Variants in TMEM168 observed in about 807,000 individuals in gnomAD.
TMEM168 encodes the protein transmembrane protein 168.
TMEM168 carries 40 observed loss-of-function variants against 53.2 expected under a neutral mutation model. That is an observed-to-expected ratio of 0.75 (90% CI 0.58 to 0.98). The LOEUF (loss-of-function observed/expected upper bound fraction) is 0.98, where lower values mean the gene tolerates loss of function less well. Ranked by LOEUF, TMEM168 falls within the 50% of genes least tolerant of loss-of-function variation. The pLI, the probability that TMEM168 is intolerant of heterozygous loss-of-function variation, is 0.00. For missense variants in TMEM168, 771 were observed against 828.8 expected, an observed-to-expected ratio of 0.93 and a Z score of 0.86; for synonymous variants, 282 against 293.0, an observed-to-expected ratio of 0.96 and a Z score of 0.38.
At chr7:112,781,428 T>C (rs1467463973) in intron 2 of TMEM168, among the ~76,000 whole-genome samples, 1 of 152,122 alleles carries the variant, frequency 6.6e-6, no homozygotes, top group Non-Finnish European at 1.5e-5. Context: ...TGGAAAGAAA[T>C]GTGAGAAACT....
chr7:112,782,704 A>G (rs1450233243), intron 2 of TMEM168, among the ~76,000 whole-genome samples: 1 of 152,082 alleles, frequency 6.6e-6, no homozygotes, highest in African/African-American at 2.4e-5. Context: ...TTCAAAACAC[A>G]CTTCTAGAAA....
At chr7:112,781,592 A>C (rs1793233098) in intron 2 of TMEM168, among the ~76,000 whole-genome samples, 1 of 152,174 alleles carries the variant, frequency 6.6e-6, no homozygotes, top group South Asian at 2.1e-4. Flanking sequence ...TCAAAAATAC[A>C]ACCTTACGTT....
chr7:112,764,807 C>CT lies in TMEM168; in HGVS notation c.*2389dup, dbSNP rs35855244. 122 of 129,780 alleles carry CT rather than the reference C, an allele frequency of 9.4e-4. 1 individual carries two copies. The highest frequency in any genetic ancestry group is 3.0e-3 in the South Asian group (12 of 4,018). The allele number at this position is 129,780 out of a possible 1,614,324, so 8.0% of individuals were successfully genotyped here. A position where few individuals can be genotyped will look rare whatever the true frequency, so the allele number is the denominator to read the frequency against. The stretch of plus-strand genomic sequence containing the variant: ...GCCACCATGCCTGGCTAAACATGTA[C>CT]TTTTTTTTTTTTTTGAGACAAAGAA... On this transcript the variant is annotated 3_prime_UTR_variant, in exon 5 of 5. Transcript: ENST00000312814.
intron 2 of TMEM168, among the ~76,000 whole-genome samples, chr7:112,781,809 C>T (rs1248569215): frequency 6.6e-6 from 1 of 151,624 alleles, no homozygotes; most frequent in Non-Finnish European, 1.5e-5. Context: ...GAACTGTGAC[C>T]TAGTGTTGAG....
chr7:112,771,504 A>G (rs1792929665), intron 4 of TMEM168, among the ~76,000 whole-genome samples: 1 of 152,228 alleles, frequency 6.6e-6, no homozygotes, highest in African/African-American at 2.4e-5. Flanking sequence ...AAGTACAGTA[A>G]GCTGATGCTT....
intron 1 of TMEM168, chr7:112,788,602 TAATG>T (rs535839005): frequency 7.2e-5 from 11 of 152,322 alleles, no homozygotes; most frequent in African/African-American, 2.4e-4. Context: ...TTGCCGTCAC[TAATG>T]ATTCAATGGA....
chr7:112,774,599 A>G (rs1328530579), intron 3 of TMEM168, among the ~76,000 whole-genome samples: 10 of 146,850 alleles, frequency 6.8e-5, no homozygotes, highest in African/African-American at 2.5e-4. Flanking sequence ...TTTTTTTTTG[A>G]GACGAAGTCT....
chr7:112,778,133 G>A (rs1031530384), intron 2 of TMEM168: 1 of 152,186 alleles, frequency 6.6e-6, no homozygotes, highest in Non-Finnish European at 1.5e-5. Flanking sequence ...CAGGACACAA[G>A]GGCAGAAAGC....
chr7:112,779,030 C>T (rs1024165562), intron 2 of TMEM168, among the ~76,000 whole-genome samples: 1 of 152,096 alleles, frequency 6.6e-6, no homozygotes, highest in Non-Finnish European at 1.5e-5. Flanking sequence ...CTTGGGACCA[C>T]AGGCACATGC....
chr7:112,784,758 A>G lies in TMEM168; in HGVS notation c.68T>C (p.Val23Ala). 1 of 1,611,670 alleles carries G rather than the reference A, an allele frequency of 6.2e-7. No homozygotes were observed. ...AGAATGCATGTTCACTTCTCTATTTACTTCTTCCAGTCTTGTCATTGCTAA... is the reference window on the plus strand; with the variant it reads ...AGAATGCATGTTCACTTCTCTATTTGCTTCTTCCAGTCTTGTCATTGCTAA... Reference protein sequence around the residue: ...LYLAMTRLEEVNREVNMHSSV... With the variant: ...LYLAMTRLEEANREVNMHSSV... Residue 23 changes from valine (V) to alanine (A), a missense_variant, in exon 2 of 5, where the codon GTA becomes GCA. Physicochemically the swap from Val to Ala is moderately conservative, Grantham distance 64. Coordinates refer to ENST00000312814, the MANE Select transcript of TMEM168 (RefSeq NM_022484.6).
chr7:112,762,653 T>C lies in TMEM168; in HGVS notation c.*4544A>G, dbSNP rs1004492208. The C allele has an allele frequency of 6.6e-6, 1 of 152,074 alleles. No homozygotes were observed. Among genetic ancestry groups the C allele is most frequent in the Non-Finnish European group, 1.5e-5 (1 of 67,934 alleles). 9.4% of individuals were successfully genotyped at this position (152,074 alleles called of 1,614,324 possible). On this transcript the variant is annotated 3_prime_UTR_variant, in exon 5 of 5. Coordinates refer to ENST00000312814, the MANE Select transcript of TMEM168 (RefSeq NM_022484.6). ...CATACAAGATGACTGGTCAACTTCATTTTTAAAATCAAAATGGCTTTTAGG... is the reference window on the plus strand; with the variant it reads ...CATACAAGATGACTGGTCAACTTCACTTTTAAAATCAAAATGGCTTTTAGG...
At position 112,772,938 on chromosome 7, in the gene TMEM168, A is replaced by G. The variant is rs771593866; in HGVS notation, c.1389T>C (p.Tyr463=). Residue 463 remains tyrosine (Y), a synonymous_variant, in exon 4 of 5, where the codon TAT becomes TAC. Coordinates refer to ENST00000312814, the MANE Select transcript of TMEM168 (RefSeq NM_022484.6). ...GTCCACTTGTGGAATAGTCACATCC[A>G]TAGGTCTCAATCATATGATATGCAA... ...RFFAYHMIET[Y]GCDYSTSGLS... is the part of the protein sequence containing the mutation. The G allele has an allele frequency of 1.9e-6, 3 of 1,614,130 alleles. No individual in the cohort carries two copies. The Admixed American group carries it at 5.0e-5, about 27-fold the overall frequency.
Position 112,784,409 on chromosome 7 carries a change from C to T in TMEM168, c.417G>A (p.Leu139=), listed in dbSNP as rs144648251. 2.0e-5 allele frequency: 33 copies of T among 1,614,082 alleles called. No individual in the cohort carries two copies. In the African/African-American group the frequency reaches 4.1e-4, roughly 20 times the overall value. Residue 139 remains leucine, a synonymous_variant, in exon 2 of 5, where the codon CTG becomes CTA. Transcript: ENST00000312814. ...GGACATAACCAGAAATTCTCTCCAC[C>T]AGAGAGCACAATATCCTTAACACTA... is the stretch of plus-strand genomic sequence containing the variant. ...TSIVLRILCS[L]VERISGYVRH...
chr7:112,770,299 C>T (rs1370433663), intron 4 of TMEM168, among the ~76,000 whole-genome samples: 3 of 152,146 alleles, frequency 2.0e-5, no homozygotes. Context: ...TGACAGTATG[C>T]AGTTGCTGAA....
intron 2 of TMEM168, chr7:112,778,662 A>C (rs1351302467): frequency 6.6e-6 from 1 of 152,212 alleles, no homozygotes; most frequent in Non-Finnish European, 1.5e-5. Context: ...TCAATTGTCA[A>C]TCAATTTGTA....
Position 112,775,163 on chromosome 7 carries a change from T to C in TMEM168, c.1271+13A>G. On this transcript the variant is annotated intron_variant, in intron 3 of 4. Transcript: ENST00000312814. The stretch of plus-strand genomic sequence containing the variant: ...AGTGAATAGTTATCACTAACTATAC[T>C]AGATTACTGTACCTGCAGAAGTTGG... The C allele has an allele frequency of 3.8e-6, 6 of 1,597,276 alleles. No homozygotes were observed. Among genetic ancestry groups the C allele is most frequent in the Non-Finnish European group, 5.1e-6 (6 of 1,173,012 alleles).
chr7:112,788,956 G>A (rs893633234), intron 1 of TMEM168, among the ~76,000 whole-genome samples: 16 of 152,006 alleles, frequency 1.1e-4, no homozygotes, highest in African/African-American at 2.7e-4. Flanking sequence ...CTCCAATGGC[G>A]TCCCATCACC....
chr7:112,789,972 G>A (rs1024390331), intron 1 of TMEM168, among the ~76,000 whole-genome samples, 188 bp downstream of exon 1: 1 of 152,202 alleles, frequency 6.6e-6, no homozygotes, highest in Non-Finnish European at 1.5e-5. Flanking sequence ...GGGAACCCTT[G>A]CGAAATACGG....
intron 4 of TMEM168, among the ~76,000 whole-genome samples, chr7:112,771,188 T>G (rs1792922590): frequency 6.6e-6 from 1 of 152,222 alleles, no homozygotes; most frequent in Non-Finnish European, 1.5e-5. Flanking sequence ...GTCTTGTACA[T>G]TCTAATGTTT....
Sources: gnomAD v4.1 joint callset for allele counts (sites outside exome capture counted in the v4.1 genomes callset) on GRCh38, gnomAD v4.1.1 for gene constraint, MANE v1.5 for transcripts, NCBI Gene and HGNC (gene_info 2026-07-23, HGNC 2026-07-21) for gene names.